CAMK1D: variants seen among roughly 807,000 people sequenced by gnomAD.
CAMK1D encodes the protein calcium/calmodulin-dependent protein kinase type 1D.
CAMK1D carries 9 observed loss-of-function variants against 47.7 expected under a neutral mutation model. The observed-to-expected ratio is 0.19, with a 90% CI of 0.11 to 0.33. CAMK1D has a LOEUF of 0.33. Among genes scored for constraint, CAMK1D ranks in the 10% least tolerant of loss-of-function variants. The pLI, the probability that CAMK1D is intolerant of heterozygous loss-of-function variation, is 1.00. For synonymous variants in CAMK1D, 184 were observed against 184.9 expected, an observed-to-expected ratio of 0.99 and a Z score of 0.04; for missense variants, 291 against 488.7, an observed-to-expected ratio of 0.60 and a Z score of 3.81.
chr10:12,806,128 GA>G (rs1289837220), intron 6 of CAMK1D, among the ~76,000 whole-genome samples: 1 of 152,224 alleles, frequency 6.6e-6, no homozygotes, highest in East Asian at 1.9e-4. Flanking sequence ...ACGGTGTGTA[GA>G]AAGGAATTTT....
At position 12,505,781 on chromosome 10, in the gene CAMK1D, G is replaced by A. The variant is rs12571316; in HGVS notation, c.93-47444G>A. Among the ~76,000 whole-genome samples the A allele has an allele frequency of 7.4e-3, 1,121 of 152,256 alleles. 26 individuals carry two copies. Among genetic ancestry groups the A allele is most frequent in the East Asian group, 0.046 (239 of 5,180 alleles). On this transcript the variant is annotated intron_variant, in intron 1 of 10. Transcript: ENST00000619168. ...GTCTTTATTAGGGCCAGGACTTGAT[G>A]CTCTAGCGTGTACCAGATGCTAAAG...
At chr10:12,586,480 G>GA (rs1404333749) in intron 2 of CAMK1D, among the ~76,000 whole-genome samples, 3 of 141,440 alleles carry the variant, frequency 2.1e-5, no homozygotes, top group African/African-American at 7.8e-5. Flanking sequence ...AAAAATTGAA[G>GA]AAGGGAGATA....
chr10:12,462,383 C>T (rs1348931578), intron 1 of CAMK1D, among the ~76,000 whole-genome samples: 1 of 151,844 alleles, frequency 6.6e-6, no homozygotes. Flanking sequence ...CCAGGATGGT[C>T]TCCATCTCTT....
At chr10:12,614,550 C>G (rs975856071) in intron 2 of CAMK1D, among the ~76,000 whole-genome samples, 1 of 152,140 alleles carries the variant, frequency 6.6e-6, no homozygotes, top group Non-Finnish European at 1.5e-5. Context: ...AATATGTGCT[C>G]CATACTTGAA....
At chr10:12,552,509 G>C (rs1054397816) in intron 1 of CAMK1D, among the ~76,000 whole-genome samples, 2 of 152,162 alleles carry the variant, frequency 1.3e-5, no homozygotes, top group African/African-American at 4.8e-5. Context: ...GGGGATTTTA[G>C]TGTGACTTTC....
intron 8 of CAMK1D, among the ~76,000 whole-genome samples, chr10:12,820,764 G>A (rs1485006289): frequency 2.0e-5 from 3 of 152,170 alleles, no homozygotes; most frequent in African/African-American, 4.8e-5. Context: ...GGAGGCAGCC[G>A]GCCTCTTAGC....
intron 1 of CAMK1D, among the ~76,000 whole-genome samples, chr10:12,418,639 T>C (rs1180072868): frequency 6.6e-6 from 1 of 152,230 alleles, no homozygotes; most frequent in Non-Finnish European, 1.5e-5. Flanking sequence ...GCACTCCAAC[T>C]AGCAATGTGT....
At chr10:12,706,813 G>A (rs1003793224) in intron 3 of CAMK1D, among the ~76,000 whole-genome samples, 16 of 151,996 alleles carry the variant, frequency 1.1e-4, no homozygotes, top group Admixed American at 6.6e-5. Flanking sequence ...TTTGAAACAA[G>A]CAACCTTTGA....
At chr10:12,708,376 C>T (rs1268606628) in intron 3 of CAMK1D, among the ~76,000 whole-genome samples, 1 of 152,152 alleles carries the variant, frequency 6.6e-6, no homozygotes, top group Non-Finnish European at 1.5e-5. Context: ...CGCCGTAACT[C>T]CATCTGATGG....
chr10:12,355,656 T>C (rs867436083), intron 1 of CAMK1D, among the ~76,000 whole-genome samples: 13 of 152,168 alleles, frequency 8.5e-5, no homozygotes, highest in Admixed American at 4.6e-4. Context: ...GGGAAGCCCC[T>C]AGACTTCTCC....
chr10:12,469,023 T>C (rs977954986), intron 1 of CAMK1D, among the ~76,000 whole-genome samples: 2 of 152,042 alleles, frequency 1.3e-5, no homozygotes, highest in Admixed American at 1.3e-4. Flanking sequence ...GGGATTCACA[T>C]GGATGGAAAT....
chr10:12,768,070 G>C (rs567551638), intron 4 of CAMK1D, among the ~76,000 whole-genome samples: 1 of 151,910 alleles, frequency 6.6e-6, no homozygotes, highest in East Asian at 1.9e-4. Context: ...ACGGGGTTTC[G>C]CCATGTTGAT....
chr10:12,728,643 C>G (rs1469383686), intron 3 of CAMK1D, among the ~76,000 whole-genome samples: 1 of 152,206 alleles, frequency 6.6e-6, no homozygotes, highest in South Asian at 2.1e-4. Flanking sequence ...AATGGCTTTG[C>G]GCTGTGGACA....
intron 5 of CAMK1D, among the ~76,000 whole-genome samples, chr10:12,782,408 A>G (rs1482421710): frequency 6.6e-6 from 1 of 152,138 alleles, no homozygotes; most frequent in African/African-American, 2.4e-5. Flanking sequence ...CAAATTCTCT[A>G]CTGAAATGTG....
chr10:12,734,835 T>C (rs1364413468), intron 3 of CAMK1D, among the ~76,000 whole-genome samples: 1 of 152,190 alleles, frequency 6.6e-6, no homozygotes. Context: ...GCCTGCTGTT[T>C]GCAACAGAGT....
intron 1 of CAMK1D, among the ~76,000 whole-genome samples, chr10:12,464,688 A>G (rs991347127): frequency 2.0e-5 from 3 of 152,032 alleles, no homozygotes; most frequent in East Asian, 1.9e-4. Context: ...GGTGGCGGGT[A>G]CCTGTAGTCC....
At chr10:12,693,911 T>C (rs1338511362) in intron 3 of CAMK1D, among the ~76,000 whole-genome samples, 9 of 109,668 alleles carry the variant, frequency 8.2e-5, no homozygotes, top group African/African-American at 2.1e-4. Context: ...ATATATATAA[T>C]ATATATAAAA....
chr10:12,705,742 T>C (rs1833706561), intron 3 of CAMK1D, among the ~76,000 whole-genome samples: 1 of 152,216 alleles, frequency 6.6e-6, no homozygotes, highest in South Asian at 2.1e-4. Context: ...GGCTGAGACA[T>C]GCTTTCTGTC....
intron 1 of CAMK1D, among the ~76,000 whole-genome samples, chr10:12,511,090 C>A (rs1358956348): frequency 6.6e-6 from 1 of 152,168 alleles, no homozygotes; most frequent in Non-Finnish European, 1.5e-5. Flanking sequence ...TAAATATGCT[C>A]ACATTTTTCT....
Sources: allele counts gnomAD v4.1 joint callset (sites outside exome capture counted in the v4.1 genomes callset), GRCh38; gene constraint gnomAD v4.1.1; transcripts MANE v1.5; gene names NCBI Gene and HGNC (gene_info 2026-07-23, HGNC 2026-07-21).